Variants in RIT2 observed in about 807,000 individuals in gnomAD.
RIT2 encodes the protein GTP-binding protein Rit2.
In RIT2, 24 loss-of-function variants were observed where a neutral mutation model predicts 23.7. The ratio of observed to expected loss-of-function variants is 1.01; its 90% CI spans 0.73 to 1.43. The LOEUF (loss-of-function observed/expected upper bound fraction) is 1.43, where lower values mean the gene tolerates loss of function less well. Ranked by LOEUF, RIT2 falls within the 40% of genes most tolerant of loss-of-function variation. RIT2 has a pLI of 0.00. For missense variants in RIT2, 236 were observed against 266.9 expected, an observed-to-expected ratio of 0.88 and a Z score of 0.81; for synonymous variants, 107 against 91.1, an observed-to-expected ratio of 1.17 and a Z score of -0.99.
At chr18:42,984,730 C>G (rs1052564513) in intron 2 of RIT2, among the ~76,000 whole-genome samples, 4 of 151,900 alleles carry the variant, frequency 2.6e-5, no homozygotes, top group Non-Finnish European at 4.4e-5. Flanking sequence ...TTTAAAAACT[C>G]CAAATTTCAA....
At chr18:42,778,426 T>C (rs1261762006) in intron 4 of RIT2, among the ~76,000 whole-genome samples, 1 of 151,806 alleles carries the variant, frequency 6.6e-6, no homozygotes, top group East Asian at 1.9e-4. Context: ...TTGCTAATGA[T>C]TAATTATCTA....
intron 3 of RIT2, among the ~76,000 whole-genome samples, chr18:42,962,685 G>T (rs1029630581): frequency 4.6e-5 from 7 of 152,174 alleles, no homozygotes; most frequent in African/African-American, 1.7e-4. Context: ...TGATATCAAA[G>T]ATACTTATTA....
At chr18:42,899,210 G>A (rs1598706052) in intron 4 of RIT2, among the ~76,000 whole-genome samples, 1 of 151,174 alleles carries the variant, frequency 6.6e-6, no homozygotes, top group East Asian at 2.0e-4. Context: ...CAACTACATT[G>A]AATGTTGTCA....
intron 4 of RIT2, among the ~76,000 whole-genome samples, chr18:42,882,470 A>C (rs1907920672): frequency 6.6e-6 from 1 of 152,238 alleles, no homozygotes; most frequent in Non-Finnish European, 1.5e-5. Context: ...TTGACCTAGA[A>C]GGAACTATCA....
intron 4 of RIT2, among the ~76,000 whole-genome samples, chr18:42,843,604 A>G (rs1049102532): frequency 1.3e-5 from 2 of 152,236 alleles, no homozygotes; most frequent in African/African-American, 4.8e-5. Context: ...TCAAAGCATA[A>G]GTCTGTTCAT....
intron 4 of RIT2, among the ~76,000 whole-genome samples, chr18:42,814,091 A>G (rs1302077615): frequency 1.3e-5 from 2 of 152,174 alleles, no homozygotes; most frequent in African/African-American, 4.8e-5. Flanking sequence ...CCCCTAGCAA[A>G]CCATTTCTGC....
intron 3 of RIT2, among the ~76,000 whole-genome samples, chr18:42,935,800 A>G (rs1950391859): frequency 6.6e-6 from 1 of 152,110 alleles, no homozygotes; most frequent in Non-Finnish European, 1.5e-5. Context: ...GGGCCCCAGC[A>G]AGTGGCTCAA....
At chr18:42,935,251 A>T (rs1352982811) in intron 3 of RIT2, among the ~76,000 whole-genome samples, 1 of 152,120 alleles carries the variant, frequency 6.6e-6, no homozygotes, top group African/African-American at 2.4e-5. Flanking sequence ...CAAGAAAGAG[A>T]GCTGAGCAGA....
intron 4 of RIT2, among the ~76,000 whole-genome samples, chr18:42,842,383 T>A (rs1299746849): frequency 6.6e-6 from 1 of 152,208 alleles, no homozygotes; most frequent in African/African-American, 2.4e-5. Context: ...AAATAGATGG[T>A]GCAAATGTAA....
chr18:42,878,303 G>C (rs1907797476), intron 4 of RIT2, among the ~76,000 whole-genome samples: 1 of 151,212 alleles, frequency 6.6e-6, no homozygotes, highest in Non-Finnish European at 1.5e-5. Context: ...ATAATATATT[G>C]TATTCTTATA....
At chr18:42,933,546 G>A (rs1909378930) in intron 3 of RIT2, among the ~76,000 whole-genome samples, 1 of 152,012 alleles carries the variant, frequency 6.6e-6, no homozygotes, top group Non-Finnish European at 1.5e-5. Flanking sequence ...GATAATGAGT[G>A]AGTGCTCATG....
At chr18:42,756,354 A>G (rs1913163364) in intron 4 of RIT2, among the ~76,000 whole-genome samples, 1 of 152,122 alleles carries the variant, frequency 6.6e-6, no homozygotes, top group South Asian at 2.1e-4. Flanking sequence ...ACGGGATGGT[A>G]ATGGCTCTAG....
Position 42,958,164 on chromosome 18 carries a change from T to C in RIT2, c.234+15910A>G, listed in dbSNP as rs73473669. 3.9e-3 allele frequency among the ~76,000 whole-genome samples: 600 copies of C among 152,324 alleles called. 4 individuals are homozygous for C. The highest frequency in any genetic ancestry group is 0.014 in the African/African-American group (573 of 41,576). On this transcript the variant is annotated intron_variant, in intron 3 of 4. Coordinates refer to ENST00000326695, the MANE Select transcript of RIT2 (RefSeq NM_002930.4). ...ACAGTCTATAAAAATTGGTTTCTTA[T>C]CAAGACTCTTTCAAGATCAGCAATT...
At chr18:42,869,956 A>T (rs567684282) in intron 4 of RIT2, among the ~76,000 whole-genome samples, 4 of 152,270 alleles carry the variant, frequency 2.6e-5, no homozygotes, top group African/African-American at 9.6e-5. Context: ...CAGACTTCCC[A>T]TTGGCCCTCA....
At chr18:43,078,385 T>C (rs1485791667) in intron 1 of RIT2, among the ~76,000 whole-genome samples, 1 of 152,190 alleles carries the variant, frequency 6.6e-6, no homozygotes, top group East Asian at 1.9e-4. Context: ...TGCTTCCAGC[T>C]AGTCTTCCTT....
chr18:43,038,648 T>G (rs1271339265), intron 1 of RIT2, among the ~76,000 whole-genome samples: 1 of 152,036 alleles, frequency 6.6e-6, no homozygotes, highest in African/African-American at 2.4e-5. Flanking sequence ...TGATTCTGTG[T>G]TTAAATTCAT....
chr18:42,771,122 A>T (rs16976811), intron 4 of RIT2, among the ~76,000 whole-genome samples: 2,280 of 151,694 alleles, frequency 0.015, 67 homozygotes, highest in African/African-American at 0.053. Flanking sequence ...AAACTACGTA[A>T]TTTTTTTTTA....
intron 2 of RIT2, among the ~76,000 whole-genome samples, chr18:43,029,129 A>G (rs983635037): frequency 6.6e-6 from 1 of 152,042 alleles, no homozygotes; most frequent in African/African-American, 2.4e-5. Context: ...TTAACTCTAT[A>G]TATAGCATTT....
At chr18:43,021,777 A>G (rs942402239) in intron 2 of RIT2, among the ~76,000 whole-genome samples, 2 of 152,110 alleles carry the variant, frequency 1.3e-5, no homozygotes, top group Admixed American at 1.3e-4. Context: ...CTTTCTATGC[A>G]GCATGCAGAA....
Sources: allele counts gnomAD v4.1 joint callset (sites outside exome capture counted in the v4.1 genomes callset), GRCh38; gene constraint gnomAD v4.1.1; transcripts MANE v1.5; gene names NCBI Gene and HGNC (gene_info 2026-07-23, HGNC 2026-07-21).